The following UNC13C variants were observed in gnomAD, a reference collection of about 807,000 sequenced individuals.
The protein encoded by UNC13C is unc-13 homolog C, also known as protein unc-13 homolog C.
A neutral mutation model predicts 245.4 loss-of-function variants in UNC13C; 174 were observed. That is an observed-to-expected ratio of 0.71 (90% CI 0.63 to 0.80). The LOEUF (loss-of-function observed/expected upper bound fraction) is 0.80, where lower values mean the gene tolerates loss of function less well. Ranked by LOEUF, UNC13C falls within the 30% of genes least tolerant of loss-of-function variation. UNC13C has a pLI of 0.00. For missense variants in UNC13C, 2,829 were observed against 2,602.9 expected, an observed-to-expected ratio of 1.09 and a Z score of -1.89; for synonymous variants, 992 against 895.1, an observed-to-expected ratio of 1.11 and a Z score of -1.93.
chr15:53,898,103 A>G, the UNC13C span, among the ~76,000 whole-genome samples: 20 of 152,140 alleles, frequency 1.3e-4, no homozygotes, highest in East Asian at 5.8e-4. Context: ...TGATAGTTCA[A>G]TATAAGATCT....
chr15:53,946,451 GTTT>G, the UNC13C span, among the ~76,000 whole-genome samples: 52 of 110,466 alleles, frequency 4.7e-4, 1 homozygote, highest in South Asian at 2.3e-3. Flanking sequence ...TCTTTTTTTT[GTTT>G]TTTTTTTTTT....
chr15:53,999,670 T>C (rs1352293819), intron 1 of UNC13C, among the ~76,000 whole-genome samples: 1 of 152,054 alleles, frequency 6.6e-6, no homozygotes, highest in Non-Finnish European at 1.5e-5. Context: ...GATTCTTAGA[T>C]TATTTAAACC....
chr15:54,139,893 T>C (rs979189854), intron 2 of UNC13C, among the ~76,000 whole-genome samples: 2 of 152,138 alleles, frequency 1.3e-5, no homozygotes, highest in African/African-American at 4.8e-5. Context: ...AGGATACAAA[T>C]GAATATTATA....
intron 2 of UNC13C, among the ~76,000 whole-genome samples, chr15:54,103,853 T>C (rs140525055): frequency 5.7e-4 from 87 of 152,348 alleles, no homozygotes; most frequent in African/African-American, 1.9e-3. Flanking sequence ...CAAATGATTC[T>C]CCTGCCTCAG....
intron 28 of UNC13C, among the ~76,000 whole-genome samples, chr15:54,552,212 G>A (rs1896767174): frequency 7.3e-6 from 1 of 136,382 alleles, no homozygotes; most frequent in African/African-American, 2.7e-5. Flanking sequence ...TCATAATCTG[G>A]AATTTCATTA....
intron 2 of UNC13C, among the ~76,000 whole-genome samples, chr15:54,055,145 A>G (rs974040812): frequency 3.3e-5 from 5 of 152,228 alleles, no homozygotes; most frequent in African/African-American, 1.2e-4. Flanking sequence ...ACTTATTAAC[A>G]TGCAATGCCA....
intron 26 of UNC13C, among the ~76,000 whole-genome samples, chr15:54,535,497 A>G (rs1895948521): frequency 6.6e-6 from 1 of 152,154 alleles, no homozygotes; most frequent in Admixed American, 6.5e-5. Context: ...GACCAAAAGG[A>G]TCTAACAGAC....
chr15:53,936,574 G>T, the UNC13C span, among the ~76,000 whole-genome samples: 1 of 152,190 alleles, frequency 6.6e-6, no homozygotes, highest in Admixed American at 6.5e-5. Context: ...TCCTGACTGG[G>T]TGAAACCTCC....
chr15:54,455,468 A>G (rs1200907605), intron 19 of UNC13C, among the ~76,000 whole-genome samples: 2 of 148,460 alleles, frequency 1.3e-5, no homozygotes, highest in Non-Finnish European at 3.0e-5. Flanking sequence ...ACTAGTTTAC[A>G]TTCCCTCTAG....
intron 17 of UNC13C, among the ~76,000 whole-genome samples, chr15:54,373,293 G>A (rs1030283110): frequency 2.0e-4 from 31 of 152,188 alleles, no homozygotes; most frequent in African/African-American, 7.2e-4. Flanking sequence ...AAACTTTGTG[G>A]CCAGTGGCAC....
intron 2 of UNC13C, among the ~76,000 whole-genome samples, chr15:54,021,494 T>C (rs541798655): frequency 5.9e-5 from 9 of 152,266 alleles, no homozygotes; most frequent in Non-Finnish European, 1.2e-4. Flanking sequence ...GTCCTTCAGT[T>C]ACATCCGTGT....
chr15:53,933,124 A>G, the UNC13C span, among the ~76,000 whole-genome samples: 293 of 152,244 alleles, frequency 1.9e-3, 5 homozygotes, highest in East Asian at 0.037. Context: ...CTCTAAATCT[A>G]CTGCCATAGT....
At chr15:54,048,651 G>C in intron 2 of UNC13C, 1 of 354,466 alleles carries the variant, frequency 2.8e-6, no homozygotes, top group Non-Finnish European at 5.7e-6. Flanking sequence ...TGCCATAGCA[G>C]CTAGACAAGC....
intron 26 of UNC13C, 114 bp downstream of exon 26, chr15:54,533,180 G>A: frequency 1.4e-6 from 1 of 700,252 alleles, no homozygotes. Flanking sequence ...TCTTTCTATA[G>A]AAATAAATGA....
the UNC13C span, among the ~76,000 whole-genome samples, chr15:53,902,895 G>A: frequency 6.6e-6 from 1 of 152,176 alleles, no homozygotes; most frequent in African/African-American, 2.4e-5. Context: ...AAGAATGGGT[G>A]ATAGACCAGA....
At chr15:53,926,906 C>T in the UNC13C span, among the ~76,000 whole-genome samples, 1 of 152,160 alleles carries the variant, frequency 6.6e-6, no homozygotes, top group Non-Finnish European at 1.5e-5. Flanking sequence ...GTGGGATAAA[C>T]TGAGTTGGAC....
chr15:53,992,116 G>A (rs1400793677), intron 1 of UNC13C, among the ~76,000 whole-genome samples: 1 of 152,012 alleles, frequency 6.6e-6, no homozygotes, highest in Non-Finnish European at 1.5e-5. Context: ...GTGTTAACAT[G>A]CCTCCTATGG....
chr15:54,065,272 A>G (rs1249009011), intron 2 of UNC13C, among the ~76,000 whole-genome samples: 2 of 152,108 alleles, frequency 1.3e-5, no homozygotes, highest in East Asian at 1.9e-4. Flanking sequence ...GACTTCTGCT[A>G]TTGTTTCCTT....
chr15:53,845,121 C>T, the UNC13C span, among the ~76,000 whole-genome samples: 6 of 151,828 alleles, frequency 4.0e-5, no homozygotes, highest in East Asian at 1.9e-4. Flanking sequence ...GTCAGGAGTT[C>T]GAGACTAGCC....
Sources: gnomAD v4.1 joint callset for allele counts (sites outside exome capture counted in the v4.1 genomes callset) on GRCh38, gnomAD v4.1.1 for gene constraint, MANE v1.5 for transcripts, NCBI Gene and HGNC (gene_info 2026-07-23, HGNC 2026-07-21) for gene names.